CLSPN: variants seen among roughly 807,000 people sequenced by gnomAD.
CLSPN encodes claspin.
In CLSPN, 85 loss-of-function variants were observed where a neutral mutation model predicts 156.3. That is an observed-to-expected ratio of 0.54 (90% CI 0.46 to 0.65). The LOEUF is 0.65. Ranked by LOEUF, CLSPN falls within the 30% of genes least tolerant of loss-of-function variation. CLSPN has a pLI of 0.00. For missense variants in CLSPN, 1,407 were observed against 1,554.9 expected (o/e 0.90, Z 1.60); for synonymous variants, 534 against 542.4 (o/e 0.98, Z 0.22).
intron 10 of CLSPN, among the ~76,000 whole-genome samples, chr1:35,750,708 T>C (rs1399651637): frequency 6.6e-6 from 1 of 152,092 alleles, no homozygotes; most frequent in Non-Finnish European, 1.5e-5. Flanking sequence ...AGGAAAGTTT[T>C]TTAATACTTA....
intron 20 of CLSPN, among the ~76,000 whole-genome samples, chr1:35,738,925 T>A (rs1473948573): frequency 6.6e-6 from 1 of 151,712 alleles, no homozygotes; most frequent in Non-Finnish European, 1.5e-5. Context: ...CTCAGCCTCC[T>A]GAGTAGCTGG....
Position 35,743,326 on chromosome 1 carries a change from C to A in CLSPN, c.3043-85G>T, listed in dbSNP as rs1040540469. ...GGATTTATAAACATCTGCCCAAATACCTCATTCTAGGAAATTGTTTCTGAT... is the reference window on the plus strand; with the variant it reads ...GGATTTATAAACATCTGCCCAAATAACTCATTCTAGGAAATTGTTTCTGAT... On this transcript the variant is annotated intron_variant, in intron 17 of 24. Transcript: ENST00000318121. The A allele has an allele frequency of 6.3e-5, 86 of 1,369,058 alleles. No homozygotes were observed. In the Middle Eastern group the frequency reaches 3.3e-3, roughly 52 times the overall value. The allele number at this position is 1,369,058 out of a possible 1,614,324, so 84.8% of individuals were successfully genotyped here.
rs763111300 is a variant in CLSPN, at chr1:35,762,049, T to C, written c.844A>G (p.Ser282Gly). 1 of 1,612,968 alleles carries C rather than the reference T, an allele frequency of 6.2e-7. No individual in the cohort carries two copies. Among genetic ancestry groups the C allele is most frequent in the Non-Finnish European group, 8.5e-7 (1 of 1,179,080 alleles). ...TRKERKAARL[S>G]KEALKQLHSE... ...TGCAGTTGTTTTAATGCTTCTTTAC[T>C]TAATCTGGCTGCCTTTCTTTCCTTA... is the stretch of plus-strand genomic sequence containing the variant. The change falls in exon 6 of 25, where the codon AGT (serine) becomes GGT (glycine). Residue 282 changes from serine to glycine, a missense_variant. Physicochemically the swap from Ser to Gly is moderately conservative, Grantham distance 56. Coordinates refer to ENST00000318121, the MANE Select transcript of CLSPN (RefSeq NM_022111.4).
At chr1:35,725,458 G>A (rs1188952790) in intron 24 of CLSPN, among the ~76,000 whole-genome samples, 1 of 152,064 alleles carries the variant, frequency 6.6e-6, no homozygotes, top group African/African-American at 2.4e-5. Flanking sequence ...AGAGAAGGGG[G>A]TGCCTGTTCC....
At chr1:35,738,389 T>C (rs142525658) in intron 21 of CLSPN, 66 bp downstream of exon 21, 7 of 1,520,704 alleles carry the variant, frequency 4.6e-6, no homozygotes, top group Non-Finnish European at 6.3e-6. Flanking sequence ...AGCTAAGATT[T>C]TGAAACTATC....
chr1:35,746,895 C>A lies in CLSPN; in HGVS notation c.2725G>T (p.Asp909Tyr), dbSNP rs755905164. 1.9e-6 allele frequency: 3 copies of A among 1,613,752 alleles called. No individual in the cohort carries two copies. Among genetic ancestry groups the A allele is most frequent in the Admixed American group, 3.3e-5 (2 of 60,030 alleles). Reference sequence around the variant, plus strand: ...CCAGTACACAAATCCAACAGCTCATCCATGTTGGCATCCATGGCATTCTCA... The same window carrying A: ...CCAGTACACAAATCCAACAGCTCATACATGTTGGCATCCATGGCATTCTCA... The part of the protein sequence containing the change: ...MDENAMDANM[D>Y]ELLDLCTGKF... The change falls in exon 15 of 25, where the codon GAT (aspartate) becomes TAT (tyrosine). Residue 909 changes from aspartate (D) to tyrosine (Y), a missense_variant. Transcript: ENST00000318121. This position sits in a 1 kb window ranked among gnomAD's most constrained non-coding sequence, Gnocchi z 4.2.
At chr1:35,728,499 T>G (rs917938955), downstream of CLSPN, among the ~76,000 whole-genome samples, 11 of 152,324 alleles carry the variant, frequency 7.2e-5, no homozygotes, top group Admixed American at 2.6e-4. Flanking sequence ...CCCTGGATCC[T>G]CAGTGTTCTT....
chr1:35,764,534 T>C lies in CLSPN; in HGVS notation c.314A>G (p.Lys105Arg), dbSNP rs112889391. ...ACTTTCATCACTGTCTGCCACAGTT[T>C]TGTAAATCCTTTTGATTTTTGTATT... ...GKNTKIKRIY[K>R]TVADSDESYM... The change falls in exon 3 of 25, where the codon AAA (lysine) becomes AGA (arginine). Residue 105 changes from lysine (K) to arginine (R), a missense_variant. This residue lies in a region of CLSPN where 1,096 missense variants were observed against 1,193.0 expected (regional missense o/e 0.92). Transcript: ENST00000318121. 39 of 1,613,890 alleles carry C rather than the reference T, an allele frequency of 2.4e-5. No homozygotes were observed. The African/African-American group carries it at 2.9e-4, about 12-fold the overall frequency.
intron 1 of CLSPN, 107 bp downstream of exon 1, chr1:35,769,740 G>T: frequency 9.0e-7 from 1 of 1,116,116 alleles, no homozygotes. Flanking sequence ...GGGAGCCGCA[G>T]TCCTCCCGCC....
At chr1:35,744,440 T>C (rs151093227) in intron 16 of CLSPN, among the ~76,000 whole-genome samples, 5 of 152,314 alleles carry the variant, frequency 3.3e-5, no homozygotes, top group African/African-American at 1.2e-4. Flanking sequence ...TAGCTGGTAC[T>C]GCCGGCACAC....
At chr1:35,738,901 C>T (rs911147332) in intron 20 of CLSPN, among the ~76,000 whole-genome samples, 1 of 151,278 alleles carries the variant, frequency 6.6e-6, no homozygotes. Flanking sequence ...CCCGGGTTCA[C>T]GCAATTCTCC....
intron 21 of CLSPN, 93 bp from the exon 22 acceptor site, chr1:35,738,190 G>T: frequency 1.5e-6 from 1 of 647,696 alleles, no homozygotes. Context: ...GGCCTGGATT[G>T]TGAAACTAGA....
downstream of CLSPN, among the ~76,000 whole-genome samples, chr1:35,727,413 T>G (rs184684392): frequency 1.3e-5 from 2 of 152,228 alleles, no homozygotes; most frequent in African/African-American, 4.8e-5. Flanking sequence ...TCCTTGACCT[T>G]GGGCAAGGTG....
rs1641996883 is a variant in CLSPN, at chr1:35,749,110, TC to T, written c.2272+356del. On this transcript the variant is annotated intron_variant, in intron 12 of 24. Coordinates refer to ENST00000318121, the MANE Select transcript of CLSPN (RefSeq NM_022111.4). ...AAAGTGCTGGGATTACAGGCGTGAGTCACTGCGCCTGGCCGAAAGTTCTCTT... is the reference window on the plus strand; with the variant it reads ...AAAGTGCTGGGATTACAGGCGTGAGTACTGCGCCTGGCCGAAAGTTCTCTT... Among the ~76,000 whole-genome samples the T allele has an allele frequency of 2.0e-5, 3 of 152,164 alleles. No homozygotes were observed. The South Asian group carries it at 6.2e-4, about 32-fold the overall frequency.
intron 3 of CLSPN, 82 bp from the exon 4 acceptor site, chr1:35,763,403 G>T: frequency 9.3e-7 from 1 of 1,078,590 alleles, no homozygotes; most frequent in African/African-American, 1.6e-5. Flanking sequence ...ATTTGGATCA[G>T]GCCAGAAAAA....
At chr1:35,728,650 C>T (rs993876358), downstream of CLSPN, among the ~76,000 whole-genome samples, 8 of 152,118 alleles carry the variant, frequency 5.3e-5, no homozygotes, top group Admixed American at 3.3e-4. Flanking sequence ...CAGTACCCTG[C>T]ACCTCTCACT....
downstream of CLSPN, among the ~76,000 whole-genome samples, chr1:35,727,126 A>T (rs1641208787): frequency 6.6e-6 from 1 of 152,306 alleles, no homozygotes; most frequent in Middle Eastern, 3.4e-3. Context: ...GGCCACCAGG[A>T]CTAGTGCATT....
chr1:35,745,454 T>G lies in CLSPN; in HGVS notation c.2963A>C (p.Asp988Ala). The G allele has an allele frequency of 3.1e-6, 5 of 1,608,516 alleles. No homozygotes were observed. Among genetic ancestry groups the G allele is most frequent in the Non-Finnish European group, 4.3e-6 (5 of 1,175,144 alleles). Residue 988 changes from aspartate to alanine, a missense_variant, in exon 16 of 25, where the codon GAC becomes GCC. Physicochemically the swap from Asp to Ala is moderately radical, Grantham distance 126 (BLOSUM62 -2). Transcript: ENST00000318121. ...LALCSGSFPTDKEEEDEEEEF... is the reference protein window; with the variant it reads ...LALCSGSFPTAKEEEDEEEEF... ...TTCCCAGCAATCTGAGACTTACTTG[T>G]CTGTGGGAAAAGAGCCTGAGCAAAG... is the stretch of plus-strand genomic sequence containing the variant.
intron 4 of CLSPN, 77 bp from the exon 5 acceptor site, chr1:35,762,558 T>C (rs1215448875): frequency 1.0e-6 from 1 of 990,686 alleles, no homozygotes. Flanking sequence ...ACTACTTTTG[T>C]AGTCCAACAC....
Sources: gnomAD v4.1 joint callset for allele counts (sites outside exome capture counted in the v4.1 genomes callset) on GRCh38, gnomAD v4.1.1 for gene constraint, gnomAD v4.1.1 regional missense constraint, Gnocchi (gnomAD v3.1) non-coding constraint, MANE v1.5 for transcripts, NCBI Gene and HGNC (gene_info 2026-07-23, HGNC 2026-07-21) for gene names.